The following MBTD1 variants were observed in gnomAD, a reference collection of about 807,000 sequenced individuals.
MBTD1 encodes the protein mbt domain containing 1.
Under a neutral mutation model 87.8 loss-of-function variants are expected in MBTD1, and 24 were observed. That is an observed-to-expected ratio of 0.27 (90% confidence interval 0.20 to 0.38). The LOEUF is 0.38. Ranked by LOEUF, MBTD1 falls within the 10% of genes least tolerant of loss-of-function variation. MBTD1 has a pLI of 1.00. For missense variants in MBTD1, 436 were observed against 760.2 expected (o/e 0.57, Z 5.02); for synonymous variants, 237 against 248.6 (o/e 0.95, Z 0.44).
In MBTD1 at chr17:51,179,498, A is replaced by ATATATATATATTTATATT. The variant is rs2050214613; in HGVS notation, c.*1077_*1078insAATATAAATATATATATA. The ATATATATATATTTATATT allele has an allele frequency of 1.7e-5, 1 of 58,436 alleles. No individual in the cohort carries two copies. The highest frequency in any genetic ancestry group is 5.6e-5 in the African/African-American group (1 of 17,756). The allele number at this position is 58,436 out of a possible 1,614,324, so 3.6% of individuals were successfully genotyped here. On this transcript the variant is annotated 3_prime_UTR_variant, in exon 17 of 17. Transcript: ENST00000586178. ...TAAAGACAATTTTATATATATATAT[A>ATATATATATATTTATATT]TATATATATATATATATATATATAT...
intron 16 of MBTD1, among the ~76,000 whole-genome samples, chr17:51,181,618 T>C (rs532628782): frequency 2.0e-5 from 3 of 152,072 alleles, no homozygotes; most frequent in Non-Finnish European, 2.9e-5. Flanking sequence ...GATTGTGTCA[T>C]TGCACTCTAG....
At chr17:51,233,237 T>C (rs1002293351) in intron 2 of MBTD1, among the ~76,000 whole-genome samples, 1 of 148,120 alleles carries the variant, frequency 6.8e-6, no homozygotes, top group African/African-American at 2.6e-5. Context: ...ACAGTGAAGC[T>C]CAGCAGTCAA....
intron 2 of MBTD1, among the ~76,000 whole-genome samples, chr17:51,248,519 T>C (rs1185119897): frequency 1.3e-5 from 2 of 152,230 alleles, no homozygotes; most frequent in African/African-American, 4.8e-5. Flanking sequence ...TCTAGAAAGC[T>C]CCTTCCTGTC....
intron 16 of MBTD1, chr17:51,183,163 A>T (rs994178126): frequency 7.1e-6 from 1 of 140,306 alleles, no homozygotes; most frequent in African/African-American, 2.7e-5. Flanking sequence ...TTTAAAGAAT[A>T]ATCTTTTTTT....
intron 2 of MBTD1, among the ~76,000 whole-genome samples, chr17:51,255,597 T>C (rs1014334607): frequency 6.6e-6 from 1 of 151,170 alleles, no homozygotes; most frequent in Non-Finnish European, 1.5e-5. Flanking sequence ...CCTTTTTTTT[T>C]TCCTTTTTTT....
intron 12 of MBTD1, 31 bp downstream of exon 12, chr17:51,201,561 C>T (rs1459561705): frequency 2.2e-6 from 3 of 1,394,618 alleles, no homozygotes. Context: ...CCTATAATTG[C>T]ATTTCTATAT....
chr17:51,189,710 C>G (rs1382307874), intron 16 of MBTD1, among the ~76,000 whole-genome samples: 2 of 152,168 alleles, frequency 1.3e-5, no homozygotes, highest in Non-Finnish European at 2.9e-5. Context: ...TTCTGAAATT[C>G]CAAAGTCTTA....
At chr17:51,226,370 G>T (rs547610772) in intron 2 of MBTD1, among the ~76,000 whole-genome samples, 30 of 151,286 alleles carry the variant, frequency 2.0e-4, no homozygotes, top group African/African-American at 6.1e-4. Context: ...GCAAAAATTA[G>T]CTGAGTGTGG....
chr17:51,195,203 G>A lies in MBTD1; in HGVS notation c.1372+11C>T, dbSNP rs752027526. ...CAATTAAAACCCAGTGTTTATATTA[G>A]GATGAAGTACCTCTGGGTGGAGTAA... On this transcript the variant is annotated intron_variant, in intron 13 of 16. Transcript: ENST00000586178. 1.9e-6 allele frequency: 3 copies of A among 1,604,420 alleles called. No individual in the cohort carries two copies. The highest frequency in any genetic ancestry group is 2.5e-6 in the Non-Finnish European group (3 of 1,176,692).
At chr17:51,219,829 G>A (rs2052782718) in intron 4 of MBTD1, among the ~76,000 whole-genome samples, 1 of 152,206 alleles carries the variant, frequency 6.6e-6, no homozygotes. Context: ...TTTAAAGCAA[G>A]ACGATTTTCT....
At chr17:51,260,877 A>G, upstream of MBTD1, 4 of 1,600,814 alleles carry the variant, frequency 2.5e-6, no homozygotes, top group Non-Finnish European at 3.4e-6. Context: ...GTCTTCGGCG[A>G]CGTCGAGAAC....
chr17:51,233,146 CA>C (rs2053637650), intron 2 of MBTD1, among the ~76,000 whole-genome samples: 1 of 130,102 alleles, frequency 7.7e-6, no homozygotes, highest in South Asian at 2.4e-4. Context: ...TTAGGCACAA[CA>C]AAAAGGTATC....
intron 16 of MBTD1, among the ~76,000 whole-genome samples, chr17:51,188,812 T>G (rs1598284686): frequency 1.4e-5 from 2 of 142,864 alleles, no homozygotes; most frequent in Non-Finnish European, 3.0e-5. Flanking sequence ...CAGGCTGGAG[T>G]GCAATGGCGC....
chr17:51,260,620 C>T (rs780529427), upstream of MBTD1: 1 of 1,612,654 alleles, frequency 6.2e-7, no homozygotes, highest in Non-Finnish European at 8.5e-7. Context: ...TGAAACTGGA[C>T]CGGAGAACCG....
chr17:51,212,727 A>G (rs2052319483), intron 6 of MBTD1, among the ~76,000 whole-genome samples: 1 of 152,200 alleles, frequency 6.6e-6, no homozygotes, highest in African/African-American at 2.4e-5. Context: ...TCTTTAAGTA[A>G]TTAAAAAATA....
At chr17:51,213,898 G>A (rs2052404501) in intron 6 of MBTD1, among the ~76,000 whole-genome samples, 1 of 150,916 alleles carries the variant, frequency 6.6e-6, no homozygotes, top group Non-Finnish European at 1.5e-5. Flanking sequence ...GGGAATTCTT[G>A]CCAATGTATG....
chr17:51,222,861 C>T (rs937457675), intron 3 of MBTD1, among the ~76,000 whole-genome samples: 4 of 151,634 alleles, frequency 2.6e-5, no homozygotes, highest in African/African-American at 2.4e-5. Flanking sequence ...AGTGCAGTGG[C>T]GTGATCTCAG....
chr17:51,191,264 T>C (rs2050796312), intron 16 of MBTD1, among the ~76,000 whole-genome samples: 1 of 58,404 alleles, frequency 1.7e-5, no homozygotes, highest in Non-Finnish European at 4.7e-5. Flanking sequence ...GAATTTCTTT[T>C]TTTTTTTTTT....
intron 12 of MBTD1, among the ~76,000 whole-genome samples, chr17:51,198,715 G>A (rs1023592791): frequency 6.6e-6 from 1 of 152,248 alleles, no homozygotes; most frequent in Admixed American, 6.5e-5. Context: ...GTCCCAAAGT[G>A]CTGGAACTGC....
Sources: gnomAD v4.1 joint callset for allele counts (sites outside exome capture counted in the v4.1 genomes callset) on GRCh38, gnomAD v4.1.1 for gene constraint, MANE v1.5 for transcripts, NCBI Gene and HGNC (gene_info 2026-07-23, HGNC 2026-07-21) for gene names.